ITGA11: variants seen among roughly 807,000 people sequenced by gnomAD.
The protein encoded by ITGA11 is integrin alpha-11.
ITGA11 carries 97 observed loss-of-function variants against 141.9 expected under a neutral mutation model. That is an observed-to-expected ratio of 0.68 (90% CI 0.58 to 0.81). ITGA11 has a LOEUF of 0.81. Among genes scored for constraint, ITGA11 ranks in the 30% least tolerant of loss-of-function variants. The pLI is 0.00. For missense variants in ITGA11, 1,387 were observed against 1,559.2 expected, an observed-to-expected ratio of 0.89 and a Z score of 1.86; for synonymous variants, 658 against 624.6, an observed-to-expected ratio of 1.05 and a Z score of -0.80.
chr15:68,325,326 C>A lies in ITGA11; in HGVS notation c.2212-85G>T. On this transcript the variant is annotated intron_variant, in intron 17 of 29. Coordinates refer to ENST00000315757, the MANE Select transcript of ITGA11 (RefSeq NM_001004439.2). The surrounding 1 kb of genome is among the most constrained non-coding windows in gnomAD (Gnocchi z 5.5). Reference sequence around the variant, plus strand: ...GACCGTGGATGCTGAGATAGAACTTCCACCTTCCTTAGATGGCAGGGCAGC... The same window carrying A: ...GACCGTGGATGCTGAGATAGAACTTACACCTTCCTTAGATGGCAGGGCAGC... 1.1e-6 allele frequency: 1 copy of A among 923,684 alleles called. No individual in the cohort carries two copies. The highest frequency in any genetic ancestry group is 1.8e-6 in the Non-Finnish European group (1 of 565,930). The allele number at this position is 923,684 out of a possible 1,614,324, so 57.2% of individuals were successfully genotyped here. A position where few individuals can be genotyped will look rare whatever the true frequency, so the allele number is the denominator to read the frequency against.
intron 7 of ITGA11, among the ~76,000 whole-genome samples, chr15:68,351,811 G>A (rs966647434): frequency 6.6e-6 from 1 of 152,046 alleles, no homozygotes; most frequent in African/African-American, 2.4e-5. Context: ...GGCCTGGCAC[G>A]GTGGCTCACG....
rs751808335 is a variant in ITGA11, at chr15:68,307,371, G to A, written c.3358C>T (p.Arg1120Cys). The A allele has an allele frequency of 6.2e-5, 96 of 1,556,976 alleles. No individual in the cohort carries two copies. The highest frequency in any genetic ancestry group is 7.8e-5 in the Non-Finnish European group (90 of 1,149,752). Residue 1120 changes from arginine (R) to cysteine (C), a missense_variant, in exon 28 of 30, where the codon CGT becomes TGT. Arg to Cys is a radical substitution (Grantham distance 180). Transcript: ENST00000315757. The surrounding 1 kb of genome is among the most constrained non-coding windows in gnomAD (Gnocchi z 6.1). ...ACCTGGCGGCTGGGATCCTCCTCAC[G>A]GAAGATGAAGGGGCTGTGGAACTGC... ...QRQFHSPFIFREEDPSRQIVF... is the reference protein window; with the variant it reads ...QRQFHSPFIFCEEDPSRQIVF...
At chr15:68,358,183 C>A (rs974900518) in intron 6 of ITGA11, among the ~76,000 whole-genome samples, 2 of 152,172 alleles carry the variant, frequency 1.3e-5, no homozygotes, top group Non-Finnish European at 2.9e-5. Flanking sequence ...CCATTCCCAC[C>A]TTCCTTGTCA....
chr15:68,349,819 G>C (rs1355921859), intron 9 of ITGA11, among the ~76,000 whole-genome samples: 2 of 152,210 alleles, frequency 1.3e-5, no homozygotes, highest in African/African-American at 4.8e-5. Flanking sequence ...GCTTTTGGTG[G>C]AGTGGAAGCA....
Position 68,307,330 on chromosome 15 carries a change from G to A in ITGA11, c.3381+18C>T, listed in dbSNP as rs776445203. 11 of 1,539,196 alleles carry A rather than the reference G, an allele frequency of 7.1e-6. No homozygotes were observed. In the South Asian group the frequency reaches 1.3e-4, roughly 18 times the overall value. On this transcript the variant is annotated intron_variant, in intron 28 of 29. Transcript: ENST00000315757. The surrounding 1 kb of genome is among the most constrained non-coding windows in gnomAD (Gnocchi z 6.1). ...TGTCCGGCCTAAGCCCAGTTCTGCA[G>A]GGCTCCCAGGGGCTCACCTGGCGGC... is the stretch of plus-strand genomic sequence containing the variant.
chr15:68,317,462 G>A lies in ITGA11; in HGVS notation c.2617-99C>T, dbSNP rs367973112. 1.8e-3 allele frequency: 1,480 copies of A among 822,734 alleles called. 37 individuals carry two copies. The South Asian group carries it at 0.02, about 11-fold the overall frequency. The allele number at this position is 822,734 out of a possible 1,614,324, so 51.0% of individuals were successfully genotyped here. ...CCAGCCTGCACCCCACTCTGCAGGG[G>A]CCGCCTCAGCCCCTGATACCCATAT... On this transcript the variant is annotated intron_variant, in intron 20 of 29. Coordinates refer to ENST00000315757, the MANE Select transcript of ITGA11 (RefSeq NM_001004439.2).
Position 68,414,696 on chromosome 15 carries a change from G to T in ITGA11, c.53-11667C>A, listed in dbSNP as rs560022984. Among the ~76,000 whole-genome samples, 24 of 152,296 alleles carry T rather than the reference G, an allele frequency of 1.6e-4. 1 individual carries two copies. Among genetic ancestry groups the T allele is most frequent in the Non-Finnish European group, 3.2e-4 (22 of 68,022 alleles). ...GCAGACTGGCACCGGGGGCACTCCC[G>T]TGGGCAGGCCAACGGCCAGGGCCTC... On this transcript the variant is annotated intron_variant, in intron 1 of 29. Coordinates refer to ENST00000315757, the MANE Select transcript of ITGA11 (RefSeq NM_001004439.2).
intron 2 of ITGA11, among the ~76,000 whole-genome samples, chr15:68,376,340 C>T (rs1166954760): frequency 6.6e-6 from 1 of 152,184 alleles, no homozygotes; most frequent in Non-Finnish European, 1.5e-5. Flanking sequence ...TCCTGAAGAC[C>T]TGTCACCCCC....
chr15:68,349,212 C>A (rs1212448058), intron 9 of ITGA11, among the ~76,000 whole-genome samples: 1 of 152,232 alleles, frequency 6.6e-6, no homozygotes, highest in African/African-American at 2.4e-5. Context: ...ACTGCTAAAA[C>A]TGGAGGGAAA....
At position 68,404,144 on chromosome 15, in the gene ITGA11, C is replaced by CCCT. The variant is rs567527478; in HGVS notation, c.53-1118_53-1116dup. Among the ~76,000 whole-genome samples the CCCT allele has an allele frequency of 3.0e-3, 461 of 152,182 alleles. 4 individuals carry two copies. Among genetic ancestry groups the CCCT allele is most frequent in the Non-Finnish European group, 5.4e-3 (369 of 67,994 alleles). On this transcript the variant is annotated intron_variant, in intron 1 of 29. Transcript: ENST00000315757. ...CCTCTCTCCTGCTCTCCCTTCTCTT[C>CCCT]CCTCCTCCTCCCTTCATTACCGCCT...
At position 68,405,159 on chromosome 15, in the gene ITGA11, C is replaced by CGTTTTTT. The variant is rs10647873; in HGVS notation, c.53-2131_53-2130insAAAAAAC. Among the ~76,000 whole-genome samples, 96 of 118,922 alleles carry CGTTTTTT rather than the reference C, an allele frequency of 8.1e-4. 12 individuals are homozygous for CGTTTTTT. The highest frequency in any genetic ancestry group is 5.4e-3 in the Middle Eastern group (1 of 186). 78.0% of individuals were successfully genotyped at this position (118,922 alleles called of 152,430 possible). On this transcript the variant is annotated intron_variant, in intron 1 of 29. Coordinates refer to ENST00000315757, the MANE Select transcript of ITGA11 (RefSeq NM_001004439.2). ...ACAAGTTATTTTTCCCACTGTCTCCCTTTTTTTTTTTTTTTTGCTCAGCAA... is the reference window on the plus strand; with the variant it reads ...ACAAGTTATTTTTCCCACTGTCTCCCGTTTTTTTTTTTTTTTTTTTTTTGCTCAGCAA...
At chr15:68,428,219 T>C (rs1469283570) in intron 1 of ITGA11, among the ~76,000 whole-genome samples, 2 of 152,206 alleles carry the variant, frequency 1.3e-5, no homozygotes, top group Non-Finnish European at 2.9e-5. Context: ...CAGCTCAGCT[T>C]AGAACATATT....
At chr15:68,315,996 T>G (rs1330421846) in intron 21 of ITGA11, among the ~76,000 whole-genome samples, 1 of 152,200 alleles carries the variant, frequency 6.6e-6, no homozygotes, top group East Asian at 1.9e-4. Context: ...CCTCTTCCTC[T>G]TCTTTTGTTT....
At chr15:68,340,006 T>C (rs1894509320) in intron 10 of ITGA11, among the ~76,000 whole-genome samples, 2 of 152,114 alleles carry the variant, frequency 1.3e-5, no homozygotes, top group South Asian at 4.2e-4. Flanking sequence ...CTGACATGTA[T>C]TGAAGGAGGG....
At chr15:68,411,622 A>G (rs927016610) in intron 1 of ITGA11, among the ~76,000 whole-genome samples, 1 of 152,226 alleles carries the variant, frequency 6.6e-6, no homozygotes, top group African/African-American at 2.4e-5. Flanking sequence ...TGGGTGGCAG[A>G]GCTGGGATAC....
rs1893847687 is a variant in ITGA11 at position 68,322,607 on chromosome 15, C to T, written c.2323-1104G>A. On this transcript the variant is annotated intron_variant, in intron 18 of 29. Transcript: ENST00000315757. This position sits in a 1 kb window ranked among gnomAD's most constrained non-coding sequence, Gnocchi z 5.6. ...GTTGGCTGGGCGTGGTGGCTCACAC[C>T]TGTAATCCTAGCACTCTGGGAGGCT... 6.6e-6 allele frequency among the ~76,000 whole-genome samples: 1 copy of T among 151,994 alleles called. No homozygotes were observed. The highest frequency in any genetic ancestry group is 1.5e-5 in the Non-Finnish European group (1 of 68,018).
intron 20 of ITGA11, among the ~76,000 whole-genome samples, chr15:68,318,051 G>A (rs1429993815): frequency 6.6e-6 from 1 of 152,208 alleles, no homozygotes; most frequent in Admixed American, 6.5e-5. Context: ...GCATTTGGCT[G>A]AGAGGGGTGC....
Position 68,317,269 on chromosome 15 carries a change from G to A in ITGA11, c.2711C>T (p.Ala904Val). The stretch of plus-strand genomic sequence containing the variant: ...CACATTGTCCCCAGTCTCAACCTTG[G>A]CCTTGGCCCGGAAGAAGGGATAGCT... ...NVSYPFFRAK[A>V]KVAFRLDFEF... The change falls in exon 21 of 30, where the codon GCC (alanine) becomes GTC (valine). Residue 904 changes from alanine to valine, a missense_variant. Coordinates refer to ENST00000315757, the MANE Select transcript of ITGA11 (RefSeq NM_001004439.2). The A allele has an allele frequency of 1.2e-6, 2 of 1,612,052 alleles. No individual in the cohort carries two copies. Among genetic ancestry groups the A allele is most frequent in the Non-Finnish European group, 1.7e-6 (2 of 1,178,206 alleles).
In ITGA11 at chr15:68,328,847, C is replaced by T. The variant is rs1350561172; in HGVS notation, c.1902-585G>A. ...ATGGACCACACTTCGAAGAGCGAGG[C>T]GTTAAAGCACCCCAGGTGATTCCAA... is the stretch of plus-strand genomic sequence containing the variant. On this transcript the variant is annotated intron_variant, in intron 15 of 29. Transcript: ENST00000315757. This position sits in a 1 kb window ranked among gnomAD's most constrained non-coding sequence, Gnocchi z 4.8. 6.6e-6 allele frequency among the ~76,000 whole-genome samples: 1 copy of T among 152,144 alleles called. No homozygotes were observed. Among genetic ancestry groups the T allele is most frequent in the Non-Finnish European group, 1.5e-5 (1 of 68,026 alleles).
Sources: gnomAD v4.1 joint callset for allele counts (sites outside exome capture counted in the v4.1 genomes callset) on GRCh38, gnomAD v4.1.1 for gene constraint, Gnocchi (gnomAD v3.1) non-coding constraint, MANE v1.5 for transcripts, NCBI Gene and HGNC (gene_info 2026-07-23, HGNC 2026-07-21) for gene names.